CACNA2D2: variants seen among roughly 807,000 people sequenced by gnomAD.
The protein encoded by CACNA2D2 is calcium voltage-gated channel auxiliary subunit alpha2delta 2, also known as voltage-dependent calcium channel subunit alpha-2/delta-2.
Under a neutral mutation model 166.4 loss-of-function variants are expected in CACNA2D2, and 48 were observed. The observed-to-expected ratio is 0.29, with a 90% CI of 0.23 to 0.37. The LOEUF (loss-of-function observed/expected upper bound fraction) is 0.37, where lower values mean the gene tolerates loss of function less well. CACNA2D2 is among the 10% of genes least tolerant of loss of function. CACNA2D2 has a pLI of 1.00. For missense variants in CACNA2D2, 1,122 were observed against 1,433.0 expected, an observed-to-expected ratio of 0.78 and a Z score of 3.50; for synonymous variants, 561 against 573.7, an observed-to-expected ratio of 0.98 and a Z score of 0.32.
rs587725514 is a variant in CACNA2D2 at position 50,381,738 on chromosome 3, A to AC, written c.653-613dup. ...TTGTACACGCATGCGCACACTGCAC[A>AC]CCCCCCAACAGGTATACCTGTGTCT... On this transcript the variant is annotated intron_variant, in intron 6 of 37. Transcript: ENST00000424201. Among the ~76,000 whole-genome samples the AC allele has an allele frequency of 1.2e-3, 186 of 151,778 alleles. 1 individual carries two copies. Among genetic ancestry groups the AC allele is most frequent in the Middle Eastern group, 0.01 (3 of 294 alleles).
rs2106892319 is a variant in CACNA2D2, at chr3:50,434,424, G to A, written c.294C>T (p.Tyr98=). 1 of 1,613,624 alleles carries A rather than the reference G, an allele frequency of 6.2e-7. No homozygotes were observed. Among genetic ancestry groups the A allele is most frequent in the Non-Finnish European group, 8.5e-7 (1 of 1,179,504 alleles). Residue 98 remains tyrosine (Y), a synonymous_variant, in exon 3 of 38, where the codon TAC becomes TAT. Transcript: ENST00000424201. ...FGGVQQLREI[Y]KDNRNLFEVQ... is the part of the protein sequence containing the mutation. ...CCTCGAACAGGTTCCGGTTGTCCTT[G>A]TAAATCTGGAAGGAAGCAGAAGCCA...
chr3:50,408,472 G>A (rs1291303740), intron 3 of CACNA2D2, among the ~76,000 whole-genome samples: 10 of 152,236 alleles, frequency 6.6e-5, no homozygotes, highest in African/African-American at 1.9e-4. Flanking sequence ...ACAAAGGGCT[G>A]GAGGTGGTGG....
At chr3:50,442,504 G>A (rs531900873) in intron 2 of CACNA2D2, among the ~76,000 whole-genome samples, 5 of 152,280 alleles carry the variant, frequency 3.3e-5, no homozygotes, top group African/African-American at 4.8e-5. Flanking sequence ...GCAATACCAC[G>A]GAGACACCTT....
rs146357071 is a variant in CACNA2D2 at position 50,440,330 on chromosome 3, G to A, written c.289-5901C>T. 4.4e-3 allele frequency among the ~76,000 whole-genome samples: 665 copies of A among 152,368 alleles called. 8 individuals carry two copies. The highest frequency in any genetic ancestry group is 0.015 in the African/African-American group (610 of 41,586). Reference sequence around the variant, plus strand: ...CTATCGGTGCCCAGGCAGGGGGGCTGCGTGCCACTCAGTTACATGCTTCAT... The same window carrying A: ...CTATCGGTGCCCAGGCAGGGGGGCTACGTGCCACTCAGTTACATGCTTCAT... On this transcript the variant is annotated intron_variant, in intron 2 of 37. Coordinates refer to ENST00000424201, the MANE Select transcript of CACNA2D2 (RefSeq NM_006030.4).
At chr3:50,421,431 CA>C (rs1332823261) in intron 3 of CACNA2D2, among the ~76,000 whole-genome samples, 1 of 152,124 alleles carries the variant, frequency 6.6e-6, no homozygotes, top group Non-Finnish European at 1.5e-5. Flanking sequence ...GCCACAGTCA[CA>C]AGGCTGGGGT....
At chr3:50,440,988 T>C (rs1271923556) in intron 2 of CACNA2D2, among the ~76,000 whole-genome samples, 1 of 151,598 alleles carries the variant, frequency 6.6e-6, no homozygotes, top group Non-Finnish European at 1.5e-5. Context: ...TTGGCAGCAG[T>C]AGCGCCAGGT....
At chr3:50,383,282 C>T (rs759994762) in intron 6 of CACNA2D2, among the ~76,000 whole-genome samples, 4 of 152,094 alleles carry the variant, frequency 2.6e-5, no homozygotes, top group Non-Finnish European at 5.9e-5. Flanking sequence ...CTAGCTGACC[C>T]CGAGATGGAG....
At chr3:50,491,793 CCT>C (rs1332503739) in intron 1 of CACNA2D2, among the ~76,000 whole-genome samples, 5 of 152,286 alleles carry the variant, frequency 3.3e-5, no homozygotes, top group African/African-American at 1.2e-4. Context: ...CCCAGAGATC[CCT>C]CTTTCCTCAT....
intron 2 of CACNA2D2, among the ~76,000 whole-genome samples, chr3:50,470,593 AG>A (rs1710030393): frequency 3.0e-3 from 2 of 662 alleles, no homozygotes; most frequent in African/African-American, 0.013. Context: ...ATATGGGGGG[AG>A]GGGGCGGGGG....
chr3:50,364,677 G>A lies in CACNA2D2; in HGVS notation c.3421C>T (p.Arg1141Cys), dbSNP rs1355809180. 1.3e-6 allele frequency: 2 copies of A among 1,530,970 alleles called. No homozygotes were observed. Among genetic ancestry groups the A allele is most frequent in the Non-Finnish European group, 1.8e-6 (2 of 1,137,114 alleles). The allele number at this position is 1,530,970 out of a possible 1,614,324, so 94.8% of individuals were successfully genotyped here. Residue 1141 changes from arginine (R) to cysteine (C), a missense_variant, in exon 38 of 38, where the codon CGC becomes TGC. By Grantham distance (180) the Arg-to-Cys change is radical. Transcript: ENST00000424201. ...PQPQVLVHAS[R>C]RL ...GTGGGGCAGGGTGCTCAGAGGCGGC[G>A]AGAGGCGTGGACGAGGACTTGAGGC...
At chr3:50,420,240 G>A (rs1024865963) in intron 3 of CACNA2D2, among the ~76,000 whole-genome samples, 1 of 152,260 alleles carries the variant, frequency 6.6e-6, no homozygotes, top group African/African-American at 2.4e-5. Flanking sequence ...CAGAAAAGTA[G>A]GCCATGCCAG....
Position 50,380,607 on chromosome 3 carries a change from T to C in CACNA2D2, c.842+141A>G, listed in dbSNP as rs182784964. 1 of 695,160 alleles carries C rather than the reference T, an allele frequency of 1.4e-6. No individual in the cohort carries two copies. Among genetic ancestry groups the C allele is most frequent in the Admixed American group, 3.5e-5 (1 of 28,868 alleles). The allele number at this position is 695,160 out of a possible 1,614,324, so 43.1% of individuals were successfully genotyped here. A position where few individuals can be genotyped will look rare whatever the true frequency, so the allele number is the denominator to read the frequency against. On this transcript the variant is annotated intron_variant, in intron 8 of 37. Transcript: ENST00000424201. The surrounding 1 kb of genome is among the most constrained non-coding windows in gnomAD (Gnocchi z 4.9). ...CTGGGTGATGGGATCCATTTTCCAG[T>C]GGCAACCATGTGTGAAATGAAAATT...
At chr3:50,486,790 C>T (rs6786523) in intron 1 of CACNA2D2, among the ~76,000 whole-genome samples, 44,353 of 152,106 alleles carry the variant, frequency 0.29, 9,137 homozygotes, top group East Asian at 0.62. Flanking sequence ...AGAGCTTAGC[C>T]TGGAGCCTGG....
chr3:50,464,197 C>T (rs2107024861), intron 2 of CACNA2D2, among the ~76,000 whole-genome samples: 1 of 152,380 alleles, frequency 6.6e-6, no homozygotes, highest in South Asian at 2.1e-4. Flanking sequence ...CACCTTTCTA[C>T]ATCCCACGTT....
intron 22 of CACNA2D2, among the ~76,000 whole-genome samples, chr3:50,372,342 G>A (rs892161209): frequency 6.6e-6 from 1 of 152,188 alleles, no homozygotes; most frequent in African/African-American, 2.4e-5. Context: ...TTTCCCCAGG[G>A]AAACACCTTT....
At chr3:50,484,287 G>A (rs1336598312) in intron 1 of CACNA2D2, among the ~76,000 whole-genome samples, 1 of 152,180 alleles carries the variant, frequency 6.6e-6, no homozygotes, top group East Asian at 1.9e-4. Flanking sequence ...GCACCCATCA[G>A]GGTTCCTGCA....
At chr3:50,402,566 T>A (rs1271709673) in intron 3 of CACNA2D2, among the ~76,000 whole-genome samples, 1 of 152,228 alleles carries the variant, frequency 6.6e-6, no homozygotes, top group Non-Finnish European at 1.5e-5. Context: ...CCCAGCCATA[T>A]GAAGGCACCT....
At chr3:50,407,910 G>A (rs1244958611) in intron 3 of CACNA2D2, among the ~76,000 whole-genome samples, 3 of 152,186 alleles carry the variant, frequency 2.0e-5, no homozygotes. Flanking sequence ...GAGGGCAGTG[G>A]AGGCCAGGGG....
intron 1 of CACNA2D2, among the ~76,000 whole-genome samples, chr3:50,487,505 A>G (rs1420808193): frequency 2.0e-5 from 3 of 152,176 alleles, no homozygotes; most frequent in African/African-American, 7.2e-5. Flanking sequence ...AGAGTGCGCC[A>G]AGCTGTATGT....
Sources: allele counts gnomAD v4.1 joint callset (sites outside exome capture counted in the v4.1 genomes callset), GRCh38; gene constraint gnomAD v4.1.1; non-coding constraint Gnocchi (gnomAD v3.1); transcripts MANE v1.5; gene names NCBI Gene and HGNC (gene_info 2026-07-23, HGNC 2026-07-21).